FBXL7: variants seen among roughly 807,000 people sequenced by gnomAD.
The protein encoded by FBXL7 is F-box/LRR-repeat protein 7.
FBXL7 carries 12 observed loss-of-function variants against 38.3 expected under a neutral mutation model. The observed-to-expected ratio is 0.31, with a 90% CI of 0.20 to 0.51. The LOEUF is 0.51. FBXL7 is among the 20% of genes least tolerant of loss of function. FBXL7 has a pLI of 0.98. For synonymous variants in FBXL7, 297 were observed against 300.9 expected, an observed-to-expected ratio of 0.99 and a Z score of 0.13; for missense variants, 567 against 676.4, an observed-to-expected ratio of 0.84 and a Z score of 1.79.
At chr5:15,815,668 A>G (rs913527012) in intron 2 of FBXL7, among the ~76,000 whole-genome samples, 5 of 152,174 alleles carry the variant, frequency 3.3e-5, no homozygotes, top group Non-Finnish European at 7.4e-5. Context: ...TTTATACTCA[A>G]TTATTTTCAT....
At chr5:15,922,902 G>A (rs1741781642) in intron 2 of FBXL7, among the ~76,000 whole-genome samples, 1 of 152,004 alleles carries the variant, frequency 6.6e-6, no homozygotes. Flanking sequence ...AAGATAAATG[G>A]CAATTTTGCA....
At chr5:15,741,436 A>T (rs2126675263) in intron 2 of FBXL7, among the ~76,000 whole-genome samples, 1 of 152,348 alleles carries the variant, frequency 6.6e-6, no homozygotes, top group Non-Finnish European at 1.5e-5. Flanking sequence ...CAACTTAAAA[A>T]ATGAATTTTT....
chr5:15,666,272 G>A (rs1742273416), intron 2 of FBXL7, among the ~76,000 whole-genome samples: 1 of 151,950 alleles, frequency 6.6e-6, no homozygotes, highest in South Asian at 2.1e-4. Flanking sequence ...TTTTTATTAT[G>A]GCAAAATACA....
chr5:15,751,393 A>G (rs1736151435), intron 2 of FBXL7, among the ~76,000 whole-genome samples: 1 of 152,190 alleles, frequency 6.6e-6, no homozygotes, highest in South Asian at 2.1e-4. Flanking sequence ...GGAGGTTTAG[A>G]TGAGAACTTA....
intron 2 of FBXL7, among the ~76,000 whole-genome samples, chr5:15,818,395 T>C (rs1738077293): frequency 6.6e-6 from 1 of 152,208 alleles, no homozygotes. Flanking sequence ...ATTTCTAAGT[T>C]TTTTGGCTAA....
chr5:15,647,350 A>G (rs576932037), intron 2 of FBXL7, among the ~76,000 whole-genome samples: 3 of 152,314 alleles, frequency 2.0e-5, no homozygotes, highest in East Asian at 3.9e-4. Flanking sequence ...AGCTGCAGAC[A>G]CCAAGTCCAG....
intron 1 of FBXL7, among the ~76,000 whole-genome samples, chr5:15,605,955 C>T (rs1000870618): frequency 5.9e-5 from 9 of 152,038 alleles, no homozygotes; most frequent in Non-Finnish European, 8.8e-5. Flanking sequence ...AATATGTGCT[C>T]AATCATTGTA....
intron 1 of FBXL7, among the ~76,000 whole-genome samples, chr5:15,534,312 C>T (rs1265734939): frequency 6.6e-6 from 1 of 152,156 alleles, no homozygotes; most frequent in Non-Finnish European, 1.5e-5. Flanking sequence ...CCTAAAAATC[C>T]TCTGTGCTCT....
intron 1 of FBXL7, among the ~76,000 whole-genome samples, chr5:15,512,253 G>A (rs1736818756): frequency 6.6e-6 from 1 of 152,178 alleles, no homozygotes; most frequent in Admixed American, 6.5e-5. Context: ...TTGTTGAATA[G>A]AAATCCATCT....
chr5:15,588,143 G>A (rs1455512939), intron 1 of FBXL7, among the ~76,000 whole-genome samples: 1 of 152,184 alleles, frequency 6.6e-6, no homozygotes, highest in East Asian at 1.9e-4. Context: ...CTGGTGTACA[G>A]TTGAATCCAA....
chr5:15,737,224 A>G (rs1735780738), intron 2 of FBXL7, among the ~76,000 whole-genome samples: 1 of 152,128 alleles, frequency 6.6e-6, no homozygotes, highest in African/African-American at 2.4e-5. Flanking sequence ...TGCACTGTTT[A>G]TGACATACTG....
intron 2 of FBXL7, among the ~76,000 whole-genome samples, chr5:15,865,899 C>T (rs973638058): frequency 5.9e-5 from 9 of 152,164 alleles, no homozygotes; most frequent in Non-Finnish European, 1.3e-4. Flanking sequence ...AAACAATCCC[C>T]TAAATAACAG....
Position 15,864,656 on chromosome 5 carries a change from A to G in FBXL7, c.128-63234A>G, listed in dbSNP as rs564193798. On this transcript the variant is annotated intron_variant, in intron 2 of 3. Transcript: ENST00000504595. ...AAACTTGGCAGAAATCGCTTAACAC[A>G]AGTGTCACAGAACAAGTAGAATAAA... is the stretch of plus-strand genomic sequence containing the variant. Among the ~76,000 whole-genome samples the G allele has an allele frequency of 1.0e-3, 157 of 152,322 alleles. 4 individuals are homozygous for G. Among genetic ancestry groups the G allele is most frequent in the African/African-American group, 3.7e-3 (153 of 41,582 alleles).
At chr5:15,530,578 C>G (rs577455080) in intron 1 of FBXL7, among the ~76,000 whole-genome samples, 1 of 152,246 alleles carries the variant, frequency 6.6e-6, no homozygotes, top group African/African-American at 2.4e-5. Flanking sequence ...TTTGGTGATT[C>G]ACTAGAAGGA....
At chr5:15,780,301 A>G (rs1023195265) in intron 2 of FBXL7, among the ~76,000 whole-genome samples, 3 of 152,138 alleles carry the variant, frequency 2.0e-5, no homozygotes, top group Non-Finnish European at 4.4e-5. Context: ...TGTTACTGGA[A>G]GGAACCCCAG....
At chr5:15,684,495 A>G (rs1017696749) in intron 2 of FBXL7, among the ~76,000 whole-genome samples, 4 of 152,182 alleles carry the variant, frequency 2.6e-5, no homozygotes, top group Admixed American at 6.5e-5. Context: ...GCCCCCAAGA[A>G]TGTGCATGTC....
At chr5:15,596,498 A>T (rs1287372482) in intron 1 of FBXL7, among the ~76,000 whole-genome samples, 1 of 152,230 alleles carries the variant, frequency 6.6e-6, no homozygotes, top group Non-Finnish European at 1.5e-5. Context: ...CCCTGTCTCC[A>T]CAAAAATAAG....
chr5:15,694,274 T>A (rs1305364134), intron 2 of FBXL7, among the ~76,000 whole-genome samples: 1 of 152,196 alleles, frequency 6.6e-6, no homozygotes, highest in Non-Finnish European at 1.5e-5. Flanking sequence ...TAAGTGTAGG[T>A]CTTCTTTTGA....
chr5:15,617,140 T>C (rs1162821006), intron 2 of FBXL7, among the ~76,000 whole-genome samples: 1 of 152,244 alleles, frequency 6.6e-6, no homozygotes, highest in African/African-American at 2.4e-5. Flanking sequence ...TTCTCTTTGA[T>C]ATGTTTTGTC....
Sources: gnomAD v4.1 joint callset for allele counts (sites outside exome capture counted in the v4.1 genomes callset) on GRCh38, gnomAD v4.1.1 for gene constraint, MANE v1.5 for transcripts, NCBI Gene and HGNC (gene_info 2026-07-23, HGNC 2026-07-21) for gene names.